UVSSA: variants seen among roughly 807,000 people sequenced by gnomAD.
The protein encoded by UVSSA is UV-stimulated scaffold protein A.
A neutral mutation model predicts 73.9 loss-of-function variants in UVSSA; 72 were observed. The observed-to-expected ratio is 0.97, with a 90% CI of 0.81 to 1.19. UVSSA has a LOEUF of 1.19. Ranked by LOEUF, UVSSA falls within the 50% of genes most tolerant of loss-of-function variation. UVSSA has a pLI of 0.00. For missense variants in UVSSA, 1,150 were observed against 965.0 expected, an observed-to-expected ratio of 1.19 and a Z score of -2.54; for synonymous variants, 454 against 391.3, an observed-to-expected ratio of 1.16 and a Z score of -1.89.
intron 12 of UVSSA, among the ~76,000 whole-genome samples, chr4:1,382,092 G>A (rs1719576672): frequency 6.6e-6 from 1 of 152,190 alleles, no homozygotes; most frequent in South Asian, 2.1e-4. Flanking sequence ...TGGCTCCCGG[G>A]TGTCTTGCAC....
At chr4:1,395,635 C>T in exon 14 of UVSSA, 1 of 1,602,090 alleles carries the variant, frequency 6.2e-7, no homozygotes, top group Non-Finnish European at 8.5e-7. Context: ...TGCCCGCCTG[C>T]TCACACGTGC....
intron 8 of UVSSA, among the ~76,000 whole-genome samples, chr4:1,372,512 T>C (rs920030062): frequency 1.3e-5 from 2 of 152,180 alleles, no homozygotes; most frequent in Admixed American, 6.5e-5. Flanking sequence ...ATTTCCTGCA[T>C]AAAACAAATA....
At chr4:1,395,446 G>GCT in exon 14 of UVSSA, 1 of 1,551,870 alleles carries the variant, frequency 6.4e-7, no homozygotes, top group Non-Finnish European at 8.7e-7. Flanking sequence ...GTGCCCGCCT[G>GCT]CTCACGTGCC....
Position 1,348,193 on chromosome 4 carries a change from T to C in UVSSA, c.98+4T>C, listed in dbSNP as rs1278385062. Reference sequence around the variant, plus strand: ...AGGAACTGAAGAAAATTTGCAAGTATGTCTTAGGGTTCAGTAACAGTAACT... The same window carrying C: ...AGGAACTGAAGAAAATTTGCAAGTACGTCTTAGGGTTCAGTAACAGTAACT... On this transcript the variant is annotated splice_donor_region_variant and intron_variant, in intron 2 of 13. Transcript: ENST00000389851. 6.2e-7 allele frequency: 1 copy of C among 1,608,938 alleles called. No homozygotes were observed. Among genetic ancestry groups the C allele is most frequent in the East Asian group, 2.2e-5 (1 of 44,852 alleles).
At chr4:1,346,989 G>A (rs1011118729), upstream of UVSSA, among the ~76,000 whole-genome samples, 1 of 152,214 alleles carries the variant, frequency 6.6e-6, no homozygotes, top group African/African-American at 2.4e-5. Context: ...CCTGGGCTGG[G>A]GTGAGCCATT....
intron 7 of UVSSA, among the ~76,000 whole-genome samples, chr4:1,358,808 G>A (rs891637510): frequency 1.3e-5 from 2 of 152,248 alleles, no homozygotes; most frequent in South Asian, 4.1e-4. Context: ...CATTTAGCAC[G>A]GGGATTGGCG....
intron 5 of UVSSA, chr4:1,354,435 T>C (rs545167299): frequency 4.9e-6 from 2 of 411,554 alleles, no homozygotes; most frequent in Non-Finnish European, 9.2e-6. Context: ...GGGCGGTGAG[T>C]AGAAGAGGCT....
rs752900151 is a variant in UVSSA, at chr4:1,385,978, C to T, written c.*17C>T. 7 of 1,613,254 alleles carry T rather than the reference C, an allele frequency of 4.3e-6. No homozygotes were observed. Among genetic ancestry groups the T allele is most frequent in the Non-Finnish European group, 5.9e-6 (7 of 1,179,444 alleles). On this transcript the variant is annotated 3_prime_UTR_variant, in exon 14 of 14. Coordinates refer to ENST00000389851, the MANE Select transcript of UVSSA (RefSeq NM_020894.4). Reference sequence around the variant, plus strand: ...CTGAACTAGAGAGCGGGGCCCAGTGCACTGGCCATCAGCACTTTCTCCCTC... The same window carrying T: ...CTGAACTAGAGAGCGGGGCCCAGTGTACTGGCCATCAGCACTTTCTCCCTC...
intron 9 of UVSSA, 135 bp downstream of exon 9, chr4:1,375,643 C>A: frequency 7.3e-7 from 1 of 1,377,366 alleles, no homozygotes. Context: ...GTGTGTACCC[C>A]CGGCCGGGTG....
chr4:1,373,035 C>T (rs936696832), intron 8 of UVSSA, among the ~76,000 whole-genome samples: 13 of 152,360 alleles, frequency 8.5e-5, no homozygotes, highest in African/African-American at 3.1e-4. Flanking sequence ...TCCATGAGGT[C>T]GTCGTCCTGT....
chr4:1,368,875 C>T (rs1717671048), intron 8 of UVSSA, among the ~76,000 whole-genome samples: 1 of 152,352 alleles, frequency 6.6e-6, no homozygotes, highest in Non-Finnish European at 1.5e-5. Flanking sequence ...TCGCTGCAGC[C>T]GCAGGTCCCC....
intron 9 of UVSSA, 30 bp downstream of exon 9, chr4:1,375,538 C>A: frequency 6.3e-7 from 1 of 1,595,760 alleles, no homozygotes; most frequent in South Asian, 1.1e-5. Flanking sequence ...GTGCTGAGCC[C>A]CCTGCCCGGC....
At chr4:1,355,087 C>A in intron 6 of UVSSA, 30 bp from the exon 7 acceptor site, 1 of 1,611,586 alleles carries the variant, frequency 6.2e-7, no homozygotes, top group Non-Finnish European at 8.5e-7. Context: ...CCCGGCCGGC[C>A]CCTGAGCTGT....
At chr4:1,354,597 G>A (rs1044089836) in intron 5 of UVSSA, 138 bp from the exon 6 acceptor site, 2 of 675,444 alleles carry the variant, frequency 3.0e-6, no homozygotes, top group Non-Finnish European at 5.2e-6. Flanking sequence ...ATCAGGTTTG[G>A]GATTCCCGGG....
chr4:1,370,872 G>C (rs1260142596), intron 8 of UVSSA, among the ~76,000 whole-genome samples: 2 of 152,190 alleles, frequency 1.3e-5, no homozygotes, highest in African/African-American at 2.4e-5. Flanking sequence ...TGCAACTCAG[G>C]GACGGGGTCG....
chr4:1,376,645 A>T (rs1224153244), intron 10 of UVSSA, among the ~76,000 whole-genome samples: 1 of 151,888 alleles, frequency 6.6e-6, no homozygotes, highest in Admixed American at 6.6e-5. Flanking sequence ...TGCACCCCTC[A>T]CCGCACTGGC....
chr4:1,354,633 C>A (rs537417776), intron 5 of UVSSA, 102 bp from the exon 6 acceptor site: 3 of 983,482 alleles, frequency 3.1e-6, no homozygotes, highest in Non-Finnish European at 4.7e-6. Flanking sequence ...CTGGCAGGTT[C>A]CCCTCAGGCT....
downstream of UVSSA, chr4:1,391,142 T>A (rs1720405428): frequency 2.0e-5 from 3 of 153,014 alleles, no homozygotes; most frequent in African/African-American, 7.3e-5. Context: ...GGATGCCTGT[T>A]GGGTCTGATT....
chr4:1,357,036 C>G (rs1715879619), intron 7 of UVSSA: 1 of 152,234 alleles, frequency 6.6e-6, no homozygotes, highest in African/African-American at 2.4e-5. Flanking sequence ...GTGGCATGGT[C>G]TGGTCTCATC....
Sources: allele counts gnomAD v4.1 joint callset (sites outside exome capture counted in the v4.1 genomes callset), GRCh38; gene constraint gnomAD v4.1.1; transcripts MANE v1.5; gene names NCBI Gene and HGNC (gene_info 2026-07-23, HGNC 2026-07-21).